ARAP2: variants seen among roughly 807,000 people sequenced by gnomAD.
ARAP2 encodes the protein arf-GAP with Rho-GAP domain, ANK repeat and PH domain-containing protein 2.
In ARAP2, 148 loss-of-function variants were observed where a neutral mutation model predicts 194.5. The observed-to-expected ratio is 0.76, with a 90% CI of 0.67 to 0.87. The LOEUF is 0.87. ARAP2 is among the 40% of genes least tolerant of loss of function. The probability of loss-of-function intolerance (pLI) is 0.00; values close to 1 mark genes in which losing one functional copy is unlikely to be tolerated. For missense variants in ARAP2, 2,128 were observed against 1,989.7 expected (o/e 1.07, Z -1.32); for synonymous variants, 695 against 683.5 (o/e 1.02, Z -0.26).
chr4:36,083,195 T>A (rs1730003176), intron 29 of ARAP2, among the ~76,000 whole-genome samples, 173 bp downstream of exon 29: 2 of 152,008 alleles, frequency 1.3e-5, no homozygotes, highest in African/African-American at 4.8e-5. Context: ...TATCTACTCA[T>A]ACAAGTTCCT....
intron 13 of ARAP2, chr4:36,160,129 T>C: frequency 2.0e-6 from 2 of 999,040 alleles, no homozygotes. Context: ...AATAATAAGC[T>C]GCCTCTACAT....
intron 9 of ARAP2, among the ~76,000 whole-genome samples, chr4:36,174,589 A>C (rs1489779824): frequency 6.6e-6 from 1 of 152,190 alleles, no homozygotes; most frequent in Non-Finnish European, 1.5e-5. Context: ...CTCATCCATC[A>C]CAGAATCACC....
intron 19 of ARAP2, among the ~76,000 whole-genome samples, chr4:36,137,084 CTAAAAA>C (rs1229914659): frequency 6.6e-6 from 1 of 151,804 alleles, no homozygotes; most frequent in Non-Finnish European, 1.5e-5. Context: ...ATGAGATACT[CTAAAAA>C]TAAATTTGAA....
intron 11 of ARAP2, among the ~76,000 whole-genome samples, chr4:36,164,023 T>G (rs1217639042): frequency 6.6e-6 from 1 of 152,178 alleles, no homozygotes; most frequent in African/African-American, 2.4e-5. Flanking sequence ...CTAGCTGAGG[T>G]AGGAACTCCT....
chr4:36,062,390 T>C (rs1393861787), downstream of ARAP2, among the ~76,000 whole-genome samples: 1 of 152,174 alleles, frequency 6.6e-6, no homozygotes, highest in Non-Finnish European at 1.5e-5. Flanking sequence ...TTGGTTCATA[T>C]GAAGTTTGTT....
At chr4:36,196,488 A>T (rs1743143983) in intron 6 of ARAP2, among the ~76,000 whole-genome samples, 1 of 152,186 alleles carries the variant, frequency 6.6e-6, no homozygotes, top group Non-Finnish European at 1.5e-5. Context: ...ATATTCTCCC[A>T]ATTATTTTAA....
intron 2 of ARAP2, among the ~76,000 whole-genome samples, chr4:36,222,559 A>G (rs1003750296): frequency 6.6e-6 from 1 of 152,116 alleles, no homozygotes; most frequent in Admixed American, 6.6e-5. Flanking sequence ...AAAAACATCT[A>G]TAACAATGCT....
intron 17 of ARAP2, 22 bp from the exon 18 acceptor site, chr4:36,147,768 A>C (rs1729995351): frequency 1.3e-6 from 2 of 1,569,722 alleles, no homozygotes; most frequent in African/African-American, 2.7e-5. Flanking sequence ...AATACAAAAA[A>C]GTAATAAAGA....
intron 8 of ARAP2, among the ~76,000 whole-genome samples, chr4:36,185,479 C>A (rs1370206469): frequency 6.6e-6 from 1 of 151,984 alleles, no homozygotes; most frequent in Non-Finnish European, 1.5e-5. Flanking sequence ...TGAAGGCCGG[C>A]TGGAATGTAC....
At chr4:36,053,975 A>G (rs1723091968) in intron 2 of ARAP2, among the ~76,000 whole-genome samples, 1 of 152,242 alleles carries the variant, frequency 6.6e-6, no homozygotes. Flanking sequence ...GAACAAGAGA[A>G]TGAATGCAAA....
At chr4:36,143,749 T>A (rs1303012340) in intron 19 of ARAP2, among the ~76,000 whole-genome samples, 1 of 151,804 alleles carries the variant, frequency 6.6e-6, no homozygotes, top group African/African-American at 2.4e-5. Flanking sequence ...GTAACTTGGT[T>A]ATATTTATCC....
chr4:36,014,943 T>C (rs1021703878), intron 8 of ARAP2, among the ~76,000 whole-genome samples: 2 of 152,190 alleles, frequency 1.3e-5, no homozygotes, highest in Admixed American at 6.5e-5. Flanking sequence ...GGAAAATTGC[T>C]CTGTTTCATG....
chr4:36,128,746 C>T lies in ARAP2; in HGVS notation c.3428-1G>A, dbSNP rs1318455587. Reference sequence around the variant, plus strand: ...TGATAGATATATTTGCATCCTAAACCTTTGTTTAAAAAAAAAAAGTTATAC... The same window carrying T: ...TGATAGATATATTTGCATCCTAAACTTTTGTTTAAAAAAAAAAAGTTATAC... On this transcript the variant is annotated splice_acceptor_variant, in intron 20 of 32. Transcript: ENST00000303965. LOFTEE classifies it high-confidence loss of function. 6.8e-7 allele frequency: 1 copy of T among 1,466,406 alleles called. No homozygotes were observed. The highest frequency in any genetic ancestry group is 9.0e-7 in the Non-Finnish European group (1 of 1,117,210). The allele number at this position is 1,466,406 out of a possible 1,614,324, so 90.8% of individuals were successfully genotyped here.
At chr4:36,073,850 G>T (rs1017490994) in intron 31 of ARAP2, 27 bp from the exon 32 acceptor site, 4 of 1,611,044 alleles carry the variant, frequency 2.5e-6, no homozygotes, top group Admixed American at 3.3e-5. Flanking sequence ...TCTTGCTGTT[G>T]GTGTGTGATT....
rs375351561 is a variant in ARAP2, at chr4:36,213,315, T to A, written c.969A>T (p.Ser323=). The A allele has an allele frequency of 3.7e-6, 6 of 1,600,686 alleles. No homozygotes were observed. In the African/African-American group the frequency reaches 8.0e-5, roughly 21 times the overall value. The part of the protein sequence containing the change: ...STEKSVAWQN[S]NEENSSSIFP... ...AGATGGAAGATGAATTCTCCTCATT[T>A]GAATCTTTTAGGGGAATTACAGGAT... is the stretch of plus-strand genomic sequence containing the variant. Residue 323 remains serine (S), a synonymous_variant, in exon 4 of 33, where the codon TCA becomes TCT. Coordinates refer to ENST00000303965, the MANE Select transcript of ARAP2 (RefSeq NM_015230.4).
intron 9 of ARAP2, among the ~76,000 whole-genome samples, chr4:36,173,256 T>G (rs1737054691): frequency 6.6e-6 from 1 of 152,210 alleles, no homozygotes; most frequent in Non-Finnish European, 1.5e-5. Flanking sequence ...TAACTCTTCC[T>G]CTTGTACGCT....
In ARAP2 at chr4:36,228,868, T is replaced by C; in HGVS notation, c.619A>G (p.Ser207Gly). ...TCAGAGTCTGCATTAGGGAGCTTAC[T>C]GAGATTTTCTGTGATCAATTTAACT... is the stretch of plus-strand genomic sequence containing the variant. ...EKVKLITENL[S>G]KLPNADSECL... The change falls in exon 2 of 33, where the codon AGT becomes GGT. Residue 207 changes from serine (S) to glycine (G), a missense_variant. Transcript: ENST00000303965. The C allele has an allele frequency of 6.2e-7, 1 of 1,614,002 alleles. No individual in the cohort carries two copies. The highest frequency in any genetic ancestry group is 1.7e-5 in the Admixed American group (1 of 60,014).
intron 7 of ARAP2, among the ~76,000 whole-genome samples, chr4:36,191,532 G>T (rs1168823227): frequency 6.6e-6 from 1 of 150,424 alleles, no homozygotes; most frequent in East Asian, 1.9e-4. Context: ...TCTAGTATGA[G>T]ATCCCAAGAA....
chr4:36,239,957 C>T (rs975151306), intron 1 of ARAP2, among the ~76,000 whole-genome samples: 4 of 152,248 alleles, frequency 2.6e-5, no homozygotes, highest in Non-Finnish European at 4.4e-5. Flanking sequence ...CCCATCCCTC[C>T]TCAATCCCTT....
Sources: allele counts gnomAD v4.1 joint callset (sites outside exome capture counted in the v4.1 genomes callset), GRCh38; gene constraint gnomAD v4.1.1; transcripts MANE v1.5; gene names NCBI Gene and HGNC (gene_info 2026-07-23, HGNC 2026-07-21).